Variants in OPCML observed in about 807,000 individuals in gnomAD.
OPCML encodes opioid binding protein/cell adhesion molecule like, also known as opioid-binding protein/cell adhesion molecule.
OPCML carries 13 observed loss-of-function variants against 37.8 expected under a neutral mutation model. The observed-to-expected ratio is 0.34, with a 90% CI of 0.22 to 0.55. The LOEUF (loss-of-function observed/expected upper bound fraction) is 0.55. Among genes scored for constraint, OPCML ranks in the 20% least tolerant of loss-of-function variants. The pLI, the probability that OPCML is intolerant of heterozygous loss-of-function variation, is 0.91. For missense variants in OPCML, 341 were observed against 435.6 expected, an observed-to-expected ratio of 0.78 and a Z score of 1.93; for synonymous variants, 176 against 168.8, an observed-to-expected ratio of 1.04 and a Z score of -0.33.
rs150156776 is a variant in OPCML at position 133,328,781 on chromosome 11, G to T, written c.61+203483C>A. ...CCTTTGAAAACTGGCACAAGACAGG[G>T]ATGCCCTCTCTCACCTCTCCTATTC... is the stretch of plus-strand genomic sequence containing the variant. On this transcript the variant is annotated intron_variant, in intron 1 of 7. Coordinates refer to ENST00000524381, the MANE Select transcript of OPCML (RefSeq NM_001012393.5). Among the ~76,000 whole-genome samples, 560 of 152,264 alleles carry T rather than the reference G, an allele frequency of 3.7e-3. 3 individuals carry two copies. Among genetic ancestry groups the T allele is most frequent in the African/African-American group, 0.013 (521 of 41,544 alleles).
intron 4 of OPCML, among the ~76,000 whole-genome samples, chr11:132,521,627 G>A (rs551744778): frequency 6.6e-6 from 1 of 152,034 alleles, no homozygotes; most frequent in Non-Finnish European, 1.5e-5. Context: ...GGGAAGGGGA[G>A]CGTGAGCATT....
chr11:133,140,994 AGAAGACGACGACGACGACGACGAC>A (rs1240889607), intron 1 of OPCML, among the ~76,000 whole-genome samples: 1 of 4,084 alleles, frequency 2.4e-4, no homozygotes, highest in African/African-American at 4.3e-4. Flanking sequence ...AAGAAGAAGA[AGAAGACGACGACGACGACGACGAC>A]GACGACGACG....
intron 1 of OPCML, among the ~76,000 whole-genome samples, chr11:132,993,121 G>A (rs1946811407): frequency 6.6e-6 from 1 of 152,202 alleles, no homozygotes; most frequent in African/African-American, 2.4e-5. Context: ...GGTTTCAAGA[G>A]CATGCACGTT....
chr11:132,715,069 C>G lies in OPCML; in HGVS notation c.147-57750G>C, dbSNP rs562376967. Among the ~76,000 whole-genome samples the G allele has an allele frequency of 2.6e-5, 4 of 152,312 alleles. No individual in the cohort carries two copies. In the East Asian group the frequency reaches 7.8e-4, roughly 30 times the overall value. The stretch of plus-strand genomic sequence containing the variant: ...TGGGCAAGGGAGGGCAGGCAGCTCT[C>G]AGACAGATCACCCCAGTCCTCAGCA... On this transcript the variant is annotated intron_variant, in intron 2 of 7. Transcript: ENST00000524381.
chr11:132,860,705 A>G (rs996297768), intron 2 of OPCML: 4 of 152,152 alleles, frequency 2.6e-5, no homozygotes, highest in Non-Finnish European at 5.9e-5. Context: ...CCCAGGATTC[A>G]TTTTACCAAA....
intron 3 of OPCML, among the ~76,000 whole-genome samples, chr11:132,582,927 C>G (rs1235645662): frequency 6.7e-6 from 1 of 148,688 alleles, no homozygotes; most frequent in Admixed American, 6.7e-5. Flanking sequence ...CTCACTGCAG[C>G]CTCGAACTCC....
chr11:132,942,694 C>G (rs192368681), intron 2 of OPCML, among the ~76,000 whole-genome samples: 1 of 152,310 alleles, frequency 6.6e-6, no homozygotes, highest in Non-Finnish European at 1.5e-5. Context: ...GAGTCCCACA[C>G]GTGGACTTCA....
At chr11:133,315,336 G>T (rs564512383) in intron 1 of OPCML, among the ~76,000 whole-genome samples, 26 of 151,964 alleles carry the variant, frequency 1.7e-4, no homozygotes, top group Non-Finnish European at 2.9e-4. Context: ...TTATAAAATC[G>T]CCTTGACCAC....
chr11:132,687,386 A>G (rs1943205727), intron 2 of OPCML, among the ~76,000 whole-genome samples: 1 of 31,242 alleles, frequency 3.2e-5, no homozygotes, highest in African/African-American at 1.9e-4. Context: ...ATATATATAT[A>G]TATATATATA....
chr11:132,550,919 G>T lies in OPCML; in HGVS notation c.380-21733C>A, dbSNP rs77561887. Among the ~76,000 whole-genome samples, 768 of 152,282 alleles carry T rather than the reference G, an allele frequency of 5.0e-3. 10 individuals are homozygous for T. Among genetic ancestry groups the T allele is most frequent in the African/African-American group, 0.017 (707 of 41,572 alleles). On this transcript the variant is annotated intron_variant, in intron 3 of 7. Coordinates refer to ENST00000524381, the MANE Select transcript of OPCML (RefSeq NM_001012393.5). Reference sequence around the variant, plus strand: ...ACCTTCTAGTTAAAATTTATTTTTTGATTTAGACTTTGGATGGGAAGGAAA... The same window carrying T: ...ACCTTCTAGTTAAAATTTATTTTTTTATTTAGACTTTGGATGGGAAGGAAA...
intron 1 of OPCML, among the ~76,000 whole-genome samples, chr11:133,354,814 A>C (rs1167660064): frequency 6.6e-6 from 1 of 152,242 alleles, no homozygotes; most frequent in Non-Finnish European, 1.5e-5. Context: ...TCAGTTCAAG[A>C]AATTGGCTTT....
chr11:133,074,724 T>C (rs1254429134), intron 1 of OPCML, among the ~76,000 whole-genome samples: 4 of 152,120 alleles, frequency 2.6e-5, no homozygotes, highest in Admixed American at 2.6e-4. Flanking sequence ...TTATCTACTC[T>C]TGCAAAAATA....
intron 1 of OPCML, among the ~76,000 whole-genome samples, chr11:133,270,857 G>A (rs1007490676): frequency 7.2e-5 from 11 of 152,174 alleles, no homozygotes; most frequent in Admixed American, 5.9e-4. Context: ...AGTCTCTGCT[G>A]TGCTACCAAG....
intron 2 of OPCML, among the ~76,000 whole-genome samples, chr11:132,891,379 C>T (rs1180195357): frequency 6.6e-6 from 1 of 152,020 alleles, no homozygotes; most frequent in African/African-American, 2.4e-5. Flanking sequence ...CCTTTCTTGC[C>T]CAGGACTCCG....
At chr11:132,990,307 G>A (rs767175899) in intron 1 of OPCML, among the ~76,000 whole-genome samples, 1 of 152,134 alleles carries the variant, frequency 6.6e-6, no homozygotes, top group Non-Finnish European at 1.5e-5. Context: ...ACTTACCATC[G>A]ATCTATAACT....
chr11:133,206,040 A>G lies in OPCML; in HGVS notation c.62-263030T>C, dbSNP rs758089576. On this transcript the variant is annotated intron_variant, in intron 1 of 7. Transcript: ENST00000524381. The surrounding 1 kb of genome is among the most constrained non-coding windows in gnomAD (Gnocchi z 4.7). The stretch of plus-strand genomic sequence containing the variant: ...GTGAGGAATACAAGAGCTAATGTAC[A>G]TACATGATGTAGTACCATGTCTAGT... Among the ~76,000 whole-genome samples the G allele has an allele frequency of 5.3e-5, 8 of 152,226 alleles. No homozygotes were observed. Among genetic ancestry groups the G allele is most frequent in the African/African-American group, 1.2e-4 (5 of 41,470 alleles).
chr11:132,545,598 C>T (rs566280046), intron 3 of OPCML, among the ~76,000 whole-genome samples: 150 of 152,270 alleles, frequency 9.9e-4, no homozygotes, highest in Non-Finnish European at 1.7e-3. Context: ...ATTTCCATCC[C>T]TTTATTCCTA....
chr11:132,637,962 C>A (rs917602267), intron 3 of OPCML, among the ~76,000 whole-genome samples: 2 of 152,072 alleles, frequency 1.3e-5, no homozygotes, highest in African/African-American at 4.8e-5. Flanking sequence ...ATTGGAGCAG[C>A]CACTTCTGTC....
intron 1 of OPCML, among the ~76,000 whole-genome samples, chr11:133,427,982 A>C (rs1032865846): frequency 6.6e-6 from 1 of 152,182 alleles, no homozygotes; most frequent in Non-Finnish European, 1.5e-5. Context: ...AAAAGTTCCC[A>C]TTCTAACACT....
Sources: allele counts gnomAD v4.1 joint callset (sites outside exome capture counted in the v4.1 genomes callset), GRCh38; gene constraint gnomAD v4.1.1; non-coding constraint Gnocchi (gnomAD v3.1); transcripts MANE v1.5; gene names NCBI Gene and HGNC (gene_info 2026-07-23, HGNC 2026-07-21).